The following ZSCAN2 variants were observed in gnomAD, a reference collection of about 807,000 sequenced individuals.
ZSCAN2 encodes zinc finger and SCAN domain-containing protein 2.
Under a neutral mutation model 47.8 loss-of-function variants are expected in ZSCAN2, and 26 were observed. The observed-to-expected ratio is 0.54, with a 90% CI of 0.40 to 0.75. The LOEUF is 0.75. Among genes scored for constraint, ZSCAN2 ranks in the 30% least tolerant of loss-of-function variants. The pLI is 0.00. For missense variants in ZSCAN2, 732 were observed against 785.4 expected, an observed-to-expected ratio of 0.93 and a Z score of 0.81; for synonymous variants, 305 against 288.7, an observed-to-expected ratio of 1.06 and a Z score of -0.57.
At chr15:84,603,080 T>C (rs753408327) in intron 1 of ZSCAN2, among the ~76,000 whole-genome samples, 1 of 152,192 alleles carries the variant, frequency 6.6e-6, no homozygotes, top group East Asian at 1.9e-4. Context: ...AGTTGAGATA[T>C]TGCCTTTCTT....
Position 84,622,129 on chromosome 15 carries a change from C to T in ZSCAN2, c.*89C>T. 8.3e-7 allele frequency: 1 copy of T among 1,199,894 alleles called. No individual in the cohort carries two copies. The highest frequency in any genetic ancestry group is 1.2e-6 in the Non-Finnish European group (1 of 846,824). 74.3% of individuals were successfully genotyped at this position (1,199,894 alleles called of 1,614,324 possible). ...GATTCCCTTTCAAAGAGCTGTGCTT[C>T]CTAAACATTCTGGGGGGTTTTGCCA... On this transcript the variant is annotated 3_prime_UTR_variant, in exon 3 of 3. Transcript: ENST00000546148.
At chr15:84,618,915 A>C (rs914672016) in intron 2 of ZSCAN2, among the ~76,000 whole-genome samples, 2 of 152,106 alleles carry the variant, frequency 1.3e-5, no homozygotes, top group African/African-American at 4.8e-5. Context: ...AGGGCTATGA[A>C]GCCAACACAC....
At chr15:84,611,346 C>T (rs1567009308) in intron 2 of ZSCAN2, among the ~76,000 whole-genome samples, 1 of 152,094 alleles carries the variant, frequency 6.6e-6, no homozygotes, top group African/African-American at 2.4e-5. Flanking sequence ...GTCCCAACTA[C>T]TTGGGGGCTG....
rs1234676109 is a variant in ZSCAN2, at chr15:84,622,753, G to A, written c.*713G>A. On this transcript the variant is annotated 3_prime_UTR_variant, in exon 3 of 3. Coordinates refer to ENST00000546148, the MANE Select transcript of ZSCAN2 (RefSeq NM_181877.4). ...AGGGCCTTCAGGAAAGGGGTAAACC[G>A]AGGACATTTCAGTGCTTGCTTTTGT... 3.2e-5 allele frequency: 23 copies of A among 708,114 alleles called. No individual in the cohort carries two copies. The highest frequency in any genetic ancestry group is 2.3e-4 in the Admixed American group (11 of 48,326). 43.9% of individuals were successfully genotyped at this position (708,114 alleles called of 1,614,324 possible).
chr15:84,620,595 G>T lies in ZSCAN2; in HGVS notation c.407-7G>T, dbSNP rs1254366924. ...TAGACATTGTATGTTTTTCTTCATT[G>T]TTTCAGATTTTGAGATACAGAGTGA... On this transcript the variant is annotated splice_polypyrimidine_tract_variant and splice_region_variant and intron_variant, in intron 2 of 2. Coordinates refer to ENST00000546148, the MANE Select transcript of ZSCAN2 (RefSeq NM_181877.4). 6.3e-7 allele frequency: 1 copy of T among 1,588,352 alleles called. No homozygotes were observed. Among genetic ancestry groups the T allele is most frequent in the Non-Finnish European group, 8.6e-7 (1 of 1,160,942 alleles).
At position 84,621,464 on chromosome 15, in the gene ZSCAN2, T is replaced by C. The variant is rs1451599130; in HGVS notation, c.1269T>C (p.Cys423=). 2 of 1,613,740 alleles carry C rather than the reference T, an allele frequency of 1.2e-6. No individual in the cohort carries two copies. Among genetic ancestry groups the C allele is most frequent in the South Asian group, 2.2e-5 (2 of 91,056 alleles). Reference sequence around the variant, plus strand: ...AGAAACCCTACCAGTGCAGCGAGTGTGGGAAAAGCTTCAGCCGCAGCTCTA... The same window carrying C: ...AGAAACCCTACCAGTGCAGCGAGTGCGGGAAAAGCTTCAGCCGCAGCTCTA... The part of the protein sequence containing the change: ...TGEKPYQCSE[C]GKSFSRSSNL... The change falls in exon 3 of 3, where the codon TGT becomes TGC. Residue 423 remains cysteine, a synonymous_variant. Coordinates refer to ENST00000546148, the MANE Select transcript of ZSCAN2 (RefSeq NM_181877.4). The surrounding 1 kb of genome is among the most constrained non-coding windows in gnomAD (Gnocchi z 5.7).
intron 2 of ZSCAN2, 126 bp downstream of exon 2, chr15:84,604,459 T>C: frequency 8.1e-7 from 1 of 1,231,552 alleles, no homozygotes; most frequent in Non-Finnish European, 1.1e-6. Context: ...CCCTCTGCTC[T>C]GTCTGCAGGC....
intron 2 of ZSCAN2, chr15:84,606,829 C>T: frequency 8.0e-7 from 1 of 1,248,264 alleles, no homozygotes; most frequent in Non-Finnish European, 1.0e-6. Context: ...CTGACTTCTG[C>T]CTCTGAGATT....
intron 2 of ZSCAN2, among the ~76,000 whole-genome samples, chr15:84,605,687 C>CA (rs1895360081): frequency 6.6e-6 from 1 of 152,166 alleles, no homozygotes; most frequent in Admixed American, 6.5e-5. Context: ...AGTTTGGCAA[C>CA]AGGATGTAGG....
intron 1 of ZSCAN2, among the ~76,000 whole-genome samples, chr15:84,603,211 T>C (rs966117481): frequency 6.6e-6 from 1 of 152,154 alleles, no homozygotes; most frequent in African/African-American, 2.4e-5. Flanking sequence ...GGTGACTAAG[T>C]TGTATGTTAG....
intron 2 of ZSCAN2, among the ~76,000 whole-genome samples, chr15:84,612,508 GT>G (rs961106310): frequency 2.0e-5 from 3 of 152,204 alleles, no homozygotes; most frequent in Non-Finnish European, 4.4e-5. Flanking sequence ...GCCGAGGCAG[GT>G]GGATCACGAG....
At position 84,622,487 on chromosome 15, in the gene ZSCAN2, CT is replaced by C; in HGVS notation, c.*449del. ...CTGCCACGTTGTTGGGCTAAGGTGC[CT>C]TCACCCCAAGCTGTTAGTGTTCCAG... On this transcript the variant is annotated 3_prime_UTR_variant, in exon 3 of 3. Transcript: ENST00000546148. 3.1e-6 allele frequency: 2 copies of C among 636,072 alleles called. No homozygotes were observed. Among genetic ancestry groups the C allele is most frequent in the Non-Finnish European group, 5.7e-6 (2 of 348,056 alleles). The allele number at this position is 636,072 out of a possible 1,614,324, so 39.4% of individuals were successfully genotyped here. A position where few individuals can be genotyped will look rare whatever the true frequency, so the allele number is the denominator to read the frequency against.
chr15:84,621,422 G>A lies in ZSCAN2; in HGVS notation c.1227G>A (p.Arg409=), dbSNP rs1443671137. 3 of 1,613,990 alleles carry A rather than the reference G, an allele frequency of 1.9e-6. No homozygotes were observed. Among genetic ancestry groups the A allele is most frequent in the Non-Finnish European group, 2.5e-6 (3 of 1,180,026 alleles). Residue 409 remains arginine (R), a synonymous_variant, in exon 3 of 3, where the codon CGG becomes CGA. Coordinates refer to ENST00000546148, the MANE Select transcript of ZSCAN2 (RefSeq NM_181877.4). The surrounding 1 kb of genome is among the most constrained non-coding windows in gnomAD (Gnocchi z 5.7). ...FSQSSALITH[R]RTHTGEKPYQ... ...AGAGTTCAGCCCTCATCACCCACCG[G>A]AGAACCCACACAGGAGAGAAACCCT...
chr15:84,602,373 C>T (rs1895232552), intron 1 of ZSCAN2: 1 of 152,096 alleles, frequency 6.6e-6, no homozygotes, highest in South Asian at 2.1e-4. Flanking sequence ...AATGATTAAT[C>T]TTTGTCAATA....
chr15:84,617,251 C>T (rs1191048551), intron 2 of ZSCAN2, among the ~76,000 whole-genome samples: 1 of 151,996 alleles, frequency 6.6e-6, no homozygotes, highest in Non-Finnish European at 1.5e-5. Flanking sequence ...GCCTGGCCAA[C>T]GTGGTGAAAC....
chr15:84,610,528 G>A (rs1364576476), intron 2 of ZSCAN2, among the ~76,000 whole-genome samples: 9 of 130,694 alleles, frequency 6.9e-5, no homozygotes, highest in East Asian at 2.2e-4. Flanking sequence ...TCACCCTGTC[G>A]CCCAGGCTGG....
At chr15:84,609,287 A>C (rs908857864) in intron 2 of ZSCAN2, among the ~76,000 whole-genome samples, 4 of 151,192 alleles carry the variant, frequency 2.6e-5, no homozygotes, top group Admixed American at 1.3e-4. Flanking sequence ...GATATATATC[A>C]TATATGATAT....
chr15:84,609,247 TTA>T (rs199913849), intron 2 of ZSCAN2, among the ~76,000 whole-genome samples: 5 of 148,798 alleles, frequency 3.4e-5, no homozygotes, highest in East Asian at 1.9e-4. Flanking sequence ...AAAATTACTT[TTA>T]TATATATATA....
rs1265089963 is a variant in ZSCAN2 at position 84,603,594 on chromosome 15, G to A, written c.-108-226G>A. On this transcript the variant is annotated intron_variant, in intron 1 of 2. Transcript: ENST00000546148. ...ATACCTCAGGTGATCCGCCCACCTCGGCCTCCCAAAGTGCTGGGATTACAG... is the reference window on the plus strand; with the variant it reads ...ATACCTCAGGTGATCCGCCCACCTCAGCCTCCCAAAGTGCTGGGATTACAG... Among the ~76,000 whole-genome samples the A allele has an allele frequency of 2.0e-5, 3 of 152,026 alleles. No homozygotes were observed. The South Asian group carries it at 6.2e-4, about 32-fold the overall frequency.
Sources: gnomAD v4.1 joint callset for allele counts (sites outside exome capture counted in the v4.1 genomes callset) on GRCh38, gnomAD v4.1.1 for gene constraint, Gnocchi (gnomAD v3.1) non-coding constraint, MANE v1.5 for transcripts, NCBI Gene and HGNC (gene_info 2026-07-23, HGNC 2026-07-21) for gene names.